Variants in TBL1X observed in about 807,000 individuals in gnomAD.
The protein encoded by TBL1X is F-box-like/WD repeat-containing protein TBL1X.
In TBL1X, 10 loss-of-function variants were observed where a neutral mutation model predicts 50.7. The ratio of observed to expected loss-of-function variants is 0.20; its 90% CI spans 0.12 to 0.33. The LOEUF is 0.33. Among genes scored for constraint, TBL1X ranks in the 10% least tolerant of loss-of-function variants. The pLI, the probability that TBL1X is intolerant of heterozygous loss-of-function variation, is 1.00. For synonymous variants in TBL1X, 190 were observed against 214.7 expected, an observed-to-expected ratio of 0.88 and a Z score of 1.01; for missense variants, 340 against 504.4, an observed-to-expected ratio of 0.67 and a Z score of 3.12.
chrX:9,555,565 G>C (rs958087721), intron 2 of TBL1X, among the ~76,000 whole-genome samples: 4 of 111,425 alleles, frequency 3.6e-5, no homozygotes, highest in Admixed American at 9.6e-5. Context: ...ATTTCTAGGA[G>C]TGGAGTTGCT....
At chrX:9,514,155 A>G (rs1440648785) in intron 2 of TBL1X, among the ~76,000 whole-genome samples, 1 of 111,758 alleles carries the variant, frequency 8.9e-6, no homozygotes, top group Non-Finnish European at 1.9e-5. Flanking sequence ...TGCACAGAGC[A>G]GCCCCCATAA....
At chrX:9,655,913 G>A (rs1035357788) in intron 5 of TBL1X, among the ~76,000 whole-genome samples, 9 of 112,574 alleles carry the variant, frequency 8.0e-5, no homozygotes, top group African/African-American at 2.9e-4. Context: ...GCTCAAATAC[G>A]TCAGGCACGT....
chrX:9,667,247 C>A (rs984811438), intron 5 of TBL1X, among the ~76,000 whole-genome samples: 1 of 111,449 alleles, frequency 9.0e-6, no homozygotes, highest in Admixed American at 9.5e-5. Context: ...GGTGACAGAG[C>A]GAGACTCCGT....
At chrX:9,515,541 C>G (rs963486145) in intron 2 of TBL1X, among the ~76,000 whole-genome samples, 1 of 112,051 alleles carries the variant, frequency 8.9e-6, no homozygotes, top group South Asian at 3.7e-4. Context: ...CATCGAACAT[C>G]CCCGTCCAGG....
chrX:9,667,253 T>G (rs2082936328), intron 5 of TBL1X, among the ~76,000 whole-genome samples: 1 of 111,605 alleles, frequency 9.0e-6, no homozygotes, highest in Non-Finnish European at 1.9e-5. Context: ...AGAGCGAGAC[T>G]CCGTTCCCCC....
chrX:9,651,928 C>T (rs1242908582), intron 3 of TBL1X, among the ~76,000 whole-genome samples: 1 of 112,504 alleles, frequency 8.9e-6, no homozygotes, highest in Non-Finnish European at 1.9e-5. Context: ...GGATAACAGA[C>T]GACCACACGT....
intron 5 of TBL1X, among the ~76,000 whole-genome samples, chrX:9,681,583 C>T (rs111785364): frequency 3.6e-5 from 4 of 112,411 alleles, no homozygotes; most frequent in African/African-American, 9.7e-5. Context: ...GTTCTGTGGC[C>T]CAGTGCTGCT....
At position 9,709,628 on chromosome X, in the gene TBL1X, T is replaced by C; in HGVS notation, c.1312-5T>C. 1 of 1,209,946 alleles carries C rather than the reference T, an allele frequency of 8.3e-7. No homozygotes were observed. Among genetic ancestry groups the C allele is most frequent in the Non-Finnish European group, 1.1e-6 (1 of 894,531 alleles). On this transcript the variant is annotated splice_polypyrimidine_tract_variant and splice_region_variant and intron_variant, in intron 14 of 17. Coordinates refer to ENST00000645353, the MANE Select transcript of TBL1X (RefSeq NM_005647.4). ...TGCTCATGTTGTGTCTGGTGTGTTC[T>C]GTAGATCTGGAGCATGAAACAGGAG...
At chrX:9,647,729 G>A (rs1399831058) in intron 3 of TBL1X, among the ~76,000 whole-genome samples, 1 of 111,858 alleles carries the variant, frequency 8.9e-6, no homozygotes, top group Non-Finnish European at 1.9e-5. Flanking sequence ...CCCAAACACA[G>A]GCCTCTGGTG....
chrX:9,622,534 C>T (rs2082672423), intron 2 of TBL1X, among the ~76,000 whole-genome samples: 1 of 111,856 alleles, frequency 8.9e-6, no homozygotes. Context: ...CAGCTCAGTG[C>T]AACCTCCGCC....
intron 2 of TBL1X, among the ~76,000 whole-genome samples, chrX:9,634,611 C>T (rs1267517146): frequency 1.8e-5 from 2 of 110,567 alleles, no homozygotes; most frequent in Non-Finnish European, 3.8e-5. Flanking sequence ...CTCGGCCTCC[C>T]AAAGTGCTGC....
At chrX:9,479,081 C>T (rs1204837930) in intron 1 of TBL1X, among the ~76,000 whole-genome samples, 2 of 113,095 alleles carry the variant, frequency 1.8e-5, no homozygotes, top group Non-Finnish European at 1.9e-5. Context: ...AAGCTTCTGT[C>T]AATGGACTTC....
At chrX:9,699,793 G>T (rs946340527) in intron 12 of TBL1X, among the ~76,000 whole-genome samples, 48 of 111,905 alleles carry the variant, frequency 4.3e-4, no homozygotes, top group African/African-American at 1.6e-3. Flanking sequence ...CAGGGAGGAC[G>T]CTGTTTCTGC....
intron 2 of TBL1X, among the ~76,000 whole-genome samples, chrX:9,521,542 C>T (rs915983164): frequency 8.9e-6 from 1 of 111,964 alleles, no homozygotes; most frequent in South Asian, 3.7e-4. Flanking sequence ...TTACAGTCAT[C>T]GCTTGGTATC....
At chrX:9,466,134 G>T (rs773352354) in intron 1 of TBL1X, among the ~76,000 whole-genome samples, 4 of 111,779 alleles carry the variant, frequency 3.6e-5, no homozygotes, top group African/African-American at 1.3e-4. Context: ...AGCGCCGCCC[G>T]GGGAGAGCGC....
chrX:9,667,189 G>A (rs2082935787), intron 5 of TBL1X, among the ~76,000 whole-genome samples: 1 of 111,444 alleles, frequency 9.0e-6, no homozygotes, highest in Non-Finnish European at 1.9e-5. Flanking sequence ...GTGAACCCGG[G>A]AGGAGGAGCT....
intron 16 of TBL1X, 43 bp downstream of exon 16, chrX:9,711,819 G>A: frequency 1.2e-5 from 14 of 1,140,680 alleles, no homozygotes; most frequent in Non-Finnish European, 1.3e-5. Flanking sequence ...AGTAAGGGAT[G>A]CCCAAATAGC....
chrX:9,698,684 G>C (rs2083148903), intron 12 of TBL1X, among the ~76,000 whole-genome samples: 1 of 112,235 alleles, frequency 8.9e-6, no homozygotes, highest in Admixed American at 9.4e-5. Context: ...ACAAACAAGT[G>C]TTAGCAGAGT....
At chrX:9,642,962 G>C (rs755156714) in intron 3 of TBL1X, among the ~76,000 whole-genome samples, 2 of 112,527 alleles carry the variant, frequency 1.8e-5, no homozygotes, top group South Asian at 7.3e-4. Flanking sequence ...ACCTGGAGGT[G>C]AGGCTCCGAG....
Sources: gnomAD v4.1 joint callset for allele counts (sites outside exome capture counted in the v4.1 genomes callset) on GRCh38, gnomAD v4.1.1 for gene constraint, MANE v1.5 for transcripts, NCBI Gene and HGNC (gene_info 2026-07-23, HGNC 2026-07-21) for gene names.